Variants in TBC1D22A observed in about 807,000 individuals in gnomAD.
The protein encoded by TBC1D22A is TBC1 domain family member 22A, also known as putative GTPase activator.
In TBC1D22A, 38 loss-of-function variants were observed where a neutral mutation model predicts 60.2. The ratio of observed to expected loss-of-function variants is 0.63; its 90% confidence interval spans 0.49 to 0.83. The LOEUF is 0.83. Among genes scored for constraint, TBC1D22A ranks in the 40% least tolerant of loss-of-function variants. TBC1D22A has a pLI of 0.00. For synonymous variants in TBC1D22A, 302 were observed against 281.7 expected, an observed-to-expected ratio of 1.07 and a Z score of -0.72; for missense variants, 628 against 701.0, an observed-to-expected ratio of 0.90 and a Z score of 1.18.
At chr22:46,823,936 G>A (rs904905923) in intron 4 of TBC1D22A, among the ~76,000 whole-genome samples, 3 of 152,222 alleles carry the variant, frequency 2.0e-5, no homozygotes, top group Non-Finnish European at 4.4e-5. Context: ...CAGGACCATG[G>A]TCTGGGGCAG....
intron 11 of TBC1D22A, among the ~76,000 whole-genome samples, chr22:47,051,871 G>A (rs764650834): frequency 3.3e-5 from 5 of 152,246 alleles, no homozygotes; most frequent in Non-Finnish European, 7.3e-5. Flanking sequence ...GTGCTCTCCT[G>A]GCCACCTGCT....
At chr22:47,123,361 G>A (rs973076975) in intron 12 of TBC1D22A, among the ~76,000 whole-genome samples, 1 of 152,234 alleles carries the variant, frequency 6.6e-6, no homozygotes, top group South Asian at 2.1e-4. Flanking sequence ...CTGGCGCGTG[G>A]TCGGAATGGA....
intron 12 of TBC1D22A, among the ~76,000 whole-genome samples, chr22:47,161,973 G>C (rs927744393): frequency 6.6e-6 from 1 of 152,202 alleles, no homozygotes; most frequent in African/African-American, 2.4e-5. Flanking sequence ...ATTGTGTAAG[G>C]ACTGCAGGGC....
At chr22:46,964,624 A>C (rs1336433791) in intron 8 of TBC1D22A, among the ~76,000 whole-genome samples, 1 of 152,210 alleles carries the variant, frequency 6.6e-6, no homozygotes, top group East Asian at 1.9e-4. Flanking sequence ...TTTGGTTTTG[A>C]TACAGTAGCC....
At chr22:46,888,799 G>A (rs1037035651) in intron 5 of TBC1D22A, among the ~76,000 whole-genome samples, 12 of 152,146 alleles carry the variant, frequency 7.9e-5, no homozygotes, top group African/African-American at 1.4e-4. Flanking sequence ...CTTCCCTCCC[G>A]GGTTCAAGTG....
At chr22:47,118,003 A>G (rs1004514025) in intron 12 of TBC1D22A, among the ~76,000 whole-genome samples, 2 of 152,040 alleles carry the variant, frequency 1.3e-5, no homozygotes, top group African/African-American at 4.8e-5. Context: ...GGCGCCTATA[A>G]TCCCAGCTAC....
At chr22:46,829,518 G>T (rs186284625) in intron 4 of TBC1D22A, among the ~76,000 whole-genome samples, 2 of 152,318 alleles carry the variant, frequency 1.3e-5, no homozygotes, top group East Asian at 3.9e-4. Flanking sequence ...TACTAGCACG[G>T]AGAGAATACA....
intron 7 of TBC1D22A, among the ~76,000 whole-genome samples, chr22:46,906,232 C>T (rs2069454645): frequency 6.6e-6 from 1 of 152,182 alleles, no homozygotes; most frequent in African/African-American, 2.4e-5. Flanking sequence ...TGTTTTCTTA[C>T]TTTCTAAATT....
intron 9 of TBC1D22A, 91 bp from the exon 10 acceptor site, chr22:46,997,543 G>T: frequency 1.0e-6 from 1 of 966,806 alleles, no homozygotes; most frequent in Non-Finnish European, 1.6e-6. Context: ...CTATTATAAA[G>T]CTGTTCACTT....
chr22:46,867,843 C>T (rs115105701), intron 4 of TBC1D22A, among the ~76,000 whole-genome samples: 97 of 152,366 alleles, frequency 6.4e-4, no homozygotes, highest in African/African-American at 2.0e-3. Context: ...AAGCAGATGA[C>T]TCCAGAGGAA....
At chr22:47,100,401 G>A (rs1024970238) in intron 11 of TBC1D22A, among the ~76,000 whole-genome samples, 10 of 151,794 alleles carry the variant, frequency 6.6e-5, no homozygotes, top group African/African-American at 2.4e-4. Context: ...GGGTGCAGGG[G>A]CAAGGCCTGG....
intron 4 of TBC1D22A, among the ~76,000 whole-genome samples, chr22:46,808,378 A>G (rs762196149): frequency 2.0e-5 from 3 of 152,184 alleles, no homozygotes; most frequent in Non-Finnish European, 2.9e-5. Flanking sequence ...AAAAAATAAA[A>G]AAATAAAGAA....
At chr22:46,806,482 T>C (rs909075473) in intron 4 of TBC1D22A, among the ~76,000 whole-genome samples, 3 of 150,648 alleles carry the variant, frequency 2.0e-5, no homozygotes, top group Non-Finnish European at 4.4e-5. Context: ...TTGGAGTCTA[T>C]TATTTAAAAA....
At chr22:47,058,734 C>T (rs879779659) in intron 11 of TBC1D22A, among the ~76,000 whole-genome samples, 9 of 152,138 alleles carry the variant, frequency 5.9e-5, no homozygotes, top group Non-Finnish European at 1.0e-4. Context: ...CGCTGAGGCC[C>T]AGGCCTTGGT....
chr22:47,106,194 A>G (rs2147697863), intron 11 of TBC1D22A, among the ~76,000 whole-genome samples: 1 of 152,326 alleles, frequency 6.6e-6, no homozygotes, highest in South Asian at 2.1e-4. Context: ...ATAGAATGAA[A>G]AGACCCCAAC....
chr22:47,014,395 C>T (rs548071201), intron 10 of TBC1D22A, among the ~76,000 whole-genome samples: 2 of 152,186 alleles, frequency 1.3e-5, no homozygotes, highest in African/African-American at 4.8e-5. Context: ...CCTCAGTCTG[C>T]GCTGCCCCAG....
At chr22:47,046,920 G>T (rs2063052372) in intron 11 of TBC1D22A, among the ~76,000 whole-genome samples, 1 of 152,214 alleles carries the variant, frequency 6.6e-6, no homozygotes, top group South Asian at 2.1e-4. Context: ...AAGAAAGGCT[G>T]GCGGGTCTGC....
intron 9 of TBC1D22A, among the ~76,000 whole-genome samples, chr22:46,976,800 A>G (rs2074315661): frequency 1.3e-5 from 2 of 152,092 alleles, no homozygotes; most frequent in African/African-American, 4.8e-5. Context: ...CGTTCTTTCA[A>G]GGGCGTGTTT....
At chr22:47,150,776 A>C (rs2067471195) in intron 12 of TBC1D22A, among the ~76,000 whole-genome samples, 3 of 147,630 alleles carry the variant, frequency 2.0e-5, no homozygotes, top group Admixed American at 6.7e-5. Context: ...CCCCACTCCC[A>C]CCCCCAGCAT....
Sources: allele counts gnomAD v4.1 joint callset (sites outside exome capture counted in the v4.1 genomes callset), GRCh38; gene constraint gnomAD v4.1.1; transcripts MANE v1.5; gene names NCBI Gene and HGNC (gene_info 2026-07-23, HGNC 2026-07-21).